The following RUFY1 variants were observed in gnomAD, a reference collection of about 807,000 sequenced individuals.
RUFY1 encodes the protein RUN and FYVE domain-containing protein 1.
In RUFY1, 54 loss-of-function variants were observed where a neutral mutation model predicts 94.6. That is an observed-to-expected ratio of 0.57 (90% CI 0.46 to 0.72). The LOEUF is 0.72. Among genes scored for constraint, RUFY1 ranks in the 30% least tolerant of loss-of-function variants. The pLI is 0.00. For missense variants in RUFY1, 883 were observed against 883.9 expected, an observed-to-expected ratio of 1.00 and a Z score of 0.01; for synonymous variants, 396 against 347.3, an observed-to-expected ratio of 1.14 and a Z score of -1.56.
intron 15 of RUFY1, 117 bp downstream of exon 15, chr5:179,602,103 A>C: frequency 2.6e-5 from 20 of 783,848 alleles, no homozygotes; most frequent in Non-Finnish European, 3.7e-5. Flanking sequence ...TTAGGAGCTC[A>C]GTCCGCCGTT....
chr5:179,598,750 G>A lies in RUFY1; in HGVS notation c.1690G>A (p.Glu564Lys), dbSNP rs757056646. Residue 564 changes from glutamate (E) to lysine (K), a missense_variant, in exon 14 of 18, where the codon GAA becomes AAA. Transcript: ENST00000319449. ...AGAGCAAAGACAGGCTCTTCAGCGC[G>A]AATTACAGCACGAGAAAGACACTTC... ...EKEQRQALQR[E>K]LQHEKDTSSL... is the part of the protein sequence containing the mutation. 16 of 1,614,026 alleles carry A rather than the reference G, an allele frequency of 9.9e-6. No individual in the cohort carries two copies. Among genetic ancestry groups the A allele is most frequent in the East Asian group, 2.2e-5 (1 of 44,894 alleles).
intron 8 of RUFY1, chr5:179,586,604 G>C (rs1479805294): frequency 2.8e-6 from 1 of 353,456 alleles, no homozygotes; most frequent in African/African-American, 2.1e-5. Flanking sequence ...GCCCATCTCT[G>C]TAATGAGGGA....
chr5:179,572,651 C>A, intron 5 of RUFY1: 1 of 189,972 alleles, frequency 5.3e-6, no homozygotes. Flanking sequence ...CGCAGATGAG[C>A]ACGGGAAAGT....
intron 6 of RUFY1, among the ~76,000 whole-genome samples, chr5:179,580,245 A>ATATATATTT (rs59300402): frequency 1.6e-4 from 13 of 81,686 alleles, no homozygotes; most frequent in Middle Eastern, 8.2e-3. Context: ...GTGTGTGTAT[A>ATATATATTT]TTTTTTTTTT....
At chr5:179,579,657 C>CTTTTTCTT (rs1554118792) in intron 6 of RUFY1, among the ~76,000 whole-genome samples, 997 of 50,720 alleles carry the variant, frequency 0.02, 107 homozygotes, top group Non-Finnish European at 0.029. Flanking sequence ...TTTTCTTCTT[C>CTTTTTCTT]TTTTTTTTTT....
chr5:179,560,372 G>C (rs999098574), intron 2 of RUFY1, among the ~76,000 whole-genome samples, 174 bp downstream of exon 2: 1 of 152,202 alleles, frequency 6.6e-6, no homozygotes, highest in African/African-American at 2.4e-5. Context: ...AATAGAAATA[G>C]CATGCAAGCT....
chr5:179,563,353 T>G (rs1222219508), intron 3 of RUFY1, among the ~76,000 whole-genome samples: 1 of 152,220 alleles, frequency 6.6e-6, no homozygotes, highest in African/African-American at 2.4e-5. Flanking sequence ...AGAACATTCC[T>G]TCTCATTTAT....
At chr5:179,604,032 G>C (rs1459683888) in intron 15 of RUFY1, among the ~76,000 whole-genome samples, 2 of 152,206 alleles carry the variant, frequency 1.3e-5, no homozygotes, top group East Asian at 1.9e-4. Flanking sequence ...ACTCCAGCCT[G>C]GGCAATAAGA....
At chr5:179,567,371 T>C in intron 3 of RUFY1, 90 bp from the exon 4 acceptor site, 1 of 928,384 alleles carries the variant, frequency 1.1e-6, no homozygotes, top group African/African-American at 1.6e-5. Flanking sequence ...CAAGGGTGTG[T>C]TTCCTATGTG....
chr5:179,569,782 T>C (rs532702771), intron 5 of RUFY1, among the ~76,000 whole-genome samples: 7 of 152,048 alleles, frequency 4.6e-5, no homozygotes, highest in Non-Finnish European at 1.0e-4. Flanking sequence ...TCTCGTTGTG[T>C]CTCCCAGGCT....
intron 5 of RUFY1, 45 bp downstream of exon 5, chr5:179,569,470 G>A (rs751529650): frequency 6.9e-6 from 11 of 1,601,426 alleles, no homozygotes; most frequent in Non-Finnish European, 9.4e-6. Context: ...CGTTAGTCCA[G>A]GGACTTTACA....
At chr5:179,581,114 C>T in intron 7 of RUFY1, 102 bp downstream of exon 7, 1 of 694,948 alleles carries the variant, frequency 1.4e-6, no homozygotes, top group Non-Finnish European at 2.5e-6. Flanking sequence ...AACTTGTTTC[C>T]AAACCAAGAC....
chr5:179,607,367 G>A (rs72824531), intron 16 of RUFY1: 63,549 of 573,726 alleles, frequency 0.11, 4,068 homozygotes, highest in African/African-American at 0.22. Context: ...GAGGCCAAGA[G>A]GTGGAGCACG....
At chr5:179,564,143 G>C (rs1420516003) in intron 3 of RUFY1, among the ~76,000 whole-genome samples, 3 of 131,798 alleles carry the variant, frequency 2.3e-5, no homozygotes, top group Admixed American at 7.9e-5. Flanking sequence ...TTTTGAGATA[G>C]AGTTTCGCTC....
Position 179,594,973 on chromosome 5 carries a change from T to TC in RUFY1, c.1511+15dup. 6.4e-7 allele frequency: 1 copy of TC among 1,571,112 alleles called. No individual in the cohort carries two copies. The highest frequency in any genetic ancestry group is 8.8e-7 in the Non-Finnish European group (1 of 1,141,932). On this transcript the variant is annotated intron_variant, in intron 12 of 17. Coordinates refer to ENST00000319449, the MANE Select transcript of RUFY1 (RefSeq NM_025158.5). ...AACAAATGGAAGAAAGGTAATCACT[T>TC]CCCCCTGGCAGATATTCTCGGGAAG...
intron 1 of RUFY1, among the ~76,000 whole-genome samples, chr5:179,557,238 G>A (rs1381139822): frequency 6.6e-6 from 1 of 152,062 alleles, no homozygotes; most frequent in Non-Finnish European, 1.5e-5. Flanking sequence ...AGACCAGCCT[G>A]GCCAACATAG....
chr5:179,604,755 G>A (rs538645313), intron 15 of RUFY1, among the ~76,000 whole-genome samples: 13 of 152,278 alleles, frequency 8.5e-5, no homozygotes, highest in African/African-American at 3.1e-4. Flanking sequence ...GCCGAGGCAG[G>A]TGGATCACTT....
chr5:179,562,377 G>T (rs1326945804), intron 2 of RUFY1, among the ~76,000 whole-genome samples, 170 bp from the exon 3 acceptor site: 1 of 152,136 alleles, frequency 6.6e-6, no homozygotes, highest in Non-Finnish European at 1.5e-5. Context: ...CTGCACTCTA[G>T]CCTGGGCAGT....
At chr5:179,581,843 C>T (rs1004030257) in intron 7 of RUFY1, among the ~76,000 whole-genome samples, 1 of 151,910 alleles carries the variant, frequency 6.6e-6, no homozygotes, top group African/African-American at 2.4e-5. Context: ...CGTCACCCCT[C>T]CTGGCTAATT....
Sources: allele counts gnomAD v4.1 joint callset (sites outside exome capture counted in the v4.1 genomes callset), GRCh38; gene constraint gnomAD v4.1.1; transcripts MANE v1.5; gene names NCBI Gene and HGNC (gene_info 2026-07-23, HGNC 2026-07-21).